The following PARD6B variants were observed in gnomAD, a reference collection of about 807,000 sequenced individuals.
PARD6B encodes partitioning defective 6 homolog beta.
Under a neutral mutation model 10.5 loss-of-function variants are expected in PARD6B, and 4 were observed. The ratio of observed to expected loss-of-function variants is 0.38; its 90% CI spans 0.19 to 0.87. The LOEUF is 0.87. PARD6B is among the 40% of genes least tolerant of loss of function. The pLI, the probability that PARD6B is intolerant of heterozygous loss-of-function variation, is 0.41. For missense variants in PARD6B, 396 were observed against 470.6 expected (o/e 0.84, Z 1.47); for synonymous variants, 169 against 170.4 (o/e 0.99, Z 0.07).
rs749486912 is a variant in PARD6B, at chr20:50,750,422, G to A, written c.1053G>A (p.Thr351=). The change falls in exon 3 of 3, where the codon ACG becomes ACA. Residue 351 remains threonine (T), a synonymous_variant. Coordinates refer to ENST00000371610, the MANE Select transcript of PARD6B (RefSeq NM_032521.3). ...SLAAIASSSN[T]EFETHAPDQK... ...CAGCCATAGCAAGCAGCTCAAACAC[G>A]GAATTTGAAACACATGCTCCAGATC... 6.2e-6 allele frequency: 10 copies of A among 1,614,060 alleles called. No individual in the cohort carries two copies. Among genetic ancestry groups the A allele is most frequent in the Non-Finnish European group, 8.5e-6 (10 of 1,180,008 alleles).
chr20:50,733,012 G>A (rs1042324971), intron 1 of PARD6B, among the ~76,000 whole-genome samples: 1 of 152,170 alleles, frequency 6.6e-6, no homozygotes, highest in African/African-American at 2.4e-5. Context: ...AAGCTTCCTA[G>A]AGCCTCTAGG....
chr20:50,744,357 G>A (rs1439439941), intron 2 of PARD6B, among the ~76,000 whole-genome samples: 1 of 151,642 alleles, frequency 6.6e-6, no homozygotes, highest in Non-Finnish European at 1.5e-5. Flanking sequence ...CTGGTAATCC[G>A]CCCACCTCGG....
chr20:50,746,781 G>C (rs2087569756), intron 2 of PARD6B, among the ~76,000 whole-genome samples: 1 of 152,196 alleles, frequency 6.6e-6, no homozygotes, highest in African/African-American at 2.4e-5. Context: ...GAGTAGGTAT[G>C]TAGGCAACGT....
At chr20:50,735,541 T>C (rs2087495257) in intron 1 of PARD6B, among the ~76,000 whole-genome samples, 1 of 152,234 alleles carries the variant, frequency 6.6e-6, no homozygotes, top group Non-Finnish European at 1.5e-5. Flanking sequence ...ATGAAACAGT[T>C]GTAAATGGTT....
At position 50,753,191 on chromosome 20, in the gene PARD6B, A is replaced by G. The variant is rs1387555602; in HGVS notation, c.*2703A>G. ...AGATTTATCTTGTACGCATTCATGG[A>G]AATGGAAATCAAAGCTGCTATTGCT... On this transcript the variant is annotated 3_prime_UTR_variant, in exon 3 of 3. Transcript: ENST00000371610. 7 of 985,250 alleles carry G rather than the reference A, an allele frequency of 7.1e-6. No individual in the cohort carries two copies. The highest frequency in any genetic ancestry group is 8.4e-6 in the Non-Finnish European group (7 of 829,536). 61.0% of individuals were successfully genotyped at this position (985,250 alleles called of 1,614,324 possible).
At position 50,751,088 on chromosome 20, in the gene PARD6B, G is replaced by A; in HGVS notation, c.*600G>A. ...GGGCTCAAGCAGTCCTCCCACCTCA[G>A]CCTCCTGAGTAGCTGGGACCATAGG... On this transcript the variant is annotated 3_prime_UTR_variant, in exon 3 of 3. Coordinates refer to ENST00000371610, the MANE Select transcript of PARD6B (RefSeq NM_032521.3). 2.1e-6 allele frequency: 1 copy of A among 478,370 alleles called. No individual in the cohort carries two copies. Among genetic ancestry groups the A allele is most frequent in the Non-Finnish European group, 2.7e-6 (1 of 372,634 alleles). 29.6% of individuals were successfully genotyped at this position (478,370 alleles called of 1,614,324 possible).
intron 1 of PARD6B, among the ~76,000 whole-genome samples, chr20:50,734,349 C>T (rs181381218): frequency 4.0e-5 from 6 of 151,706 alleles, no homozygotes; most frequent in South Asian, 4.2e-4. Context: ...GGTAGTGTGC[C>T]GGTCCTTTTT....
intron 1 of PARD6B, among the ~76,000 whole-genome samples, chr20:50,736,690 T>G: frequency 6.6e-6 from 1 of 151,094 alleles, no homozygotes; most frequent in Non-Finnish European, 1.5e-5. Context: ...GTCCTTAGTG[T>G]TTTGGTTTTT....
rs1383325213 is a variant in PARD6B, at chr20:50,751,341, CTT to C, written c.*856_*857del. ...CTCAAGTACATTTCCAGTTTCTTTT[CTT>C]TTCTTTCTTTTTTTTTTTTTTTTTT... On this transcript the variant is annotated 3_prime_UTR_variant, in exon 3 of 3. Coordinates refer to ENST00000371610, the MANE Select transcript of PARD6B (RefSeq NM_032521.3). 4.1e-6 allele frequency: 3 copies of C among 731,004 alleles called. No homozygotes were observed. The highest frequency in any genetic ancestry group is 9.2e-5 in the Admixed American group (1 of 10,830). 45.3% of individuals were successfully genotyped at this position (731,004 alleles called of 1,614,324 possible).
At chr20:50,739,472 G>C (rs1177182944) in intron 2 of PARD6B, among the ~76,000 whole-genome samples, 1 of 152,012 alleles carries the variant, frequency 6.6e-6, no homozygotes, top group Admixed American at 6.6e-5. Context: ...TAGCTTGAGA[G>C]AATGGGTGGG....
Position 50,750,154 on chromosome 20 carries a change from CT to C in PARD6B, c.786del (p.Gly263AlafsTer58). On this transcript the variant is annotated frameshift_variant, in exon 3 of 3. Transcript: ENST00000371610. LOFTEE classifies it low-confidence loss of function (END_TRUNC). ...RNNVVRNSRT[S>X]GSSGQSTDNS... ...AATGTTGTGAGGAACAGTCGGACTT[CT>C]GGCAGTTCCGGTCAGTCTACTGATA... 6.2e-7 allele frequency: 1 copy of C among 1,614,250 alleles called. No homozygotes were observed. The highest frequency in any genetic ancestry group is 1.1e-5 in the South Asian group (1 of 91,090).
rs544614821 is a variant in PARD6B, at chr20:50,749,321, C to T, written c.290-338C>T. On this transcript the variant is annotated intron_variant, in intron 2 of 2. Transcript: ENST00000371610. ...TCACGCCACTGCACTCCAGCCTGGT[C>T]GACAGAGCGAGACTCCATCTCAAAA... is the stretch of plus-strand genomic sequence containing the variant. Among the ~76,000 whole-genome samples the T allele has an allele frequency of 2.1e-5, 3 of 143,454 alleles. No homozygotes were observed. The South Asian group carries it at 6.9e-4, about 33-fold the overall frequency. 94.1% of individuals were successfully genotyped at this position (143,454 alleles called of 152,430 possible).
chr20:50,737,365 C>T (rs904326139), intron 1 of PARD6B, among the ~76,000 whole-genome samples: 2 of 152,296 alleles, frequency 1.3e-5, no homozygotes, highest in Middle Eastern at 3.4e-3. Flanking sequence ...CTTAACGCCA[C>T]GTAGCTCACA....
At chr20:50,739,461 G>C (rs1206877910) in intron 2 of PARD6B, among the ~76,000 whole-genome samples, 1 of 152,032 alleles carries the variant, frequency 6.6e-6, no homozygotes, top group African/African-American at 2.4e-5. Context: ...TGAAAAGAAA[G>C]TAGCTTGAGA....
intron 1 of PARD6B, among the ~76,000 whole-genome samples, chr20:50,733,660 C>T (rs1016919015): frequency 6.6e-6 from 1 of 152,134 alleles, no homozygotes; most frequent in Non-Finnish European, 1.5e-5. Flanking sequence ...AGTAGAGGTT[C>T]CATGCCCAGT....
In PARD6B at chr20:50,752,561, C is replaced by T. The variant is rs1353585771; in HGVS notation, c.*2073C>T. ...CAGTGTGCACAAGCACAATGGTATG[C>T]TTGTATATAGAAACTAAAAATACTA... On this transcript the variant is annotated 3_prime_UTR_variant, in exon 3 of 3. Transcript: ENST00000371610. 3.0e-6 allele frequency: 3 copies of T among 984,330 alleles called. No individual in the cohort carries two copies. The East Asian group carries it at 3.4e-4, about 112-fold the overall frequency. The allele number at this position is 984,330 out of a possible 1,614,324, so 61.0% of individuals were successfully genotyped here.
At chr20:50,745,879 T>A (rs1405006269) in intron 2 of PARD6B, among the ~76,000 whole-genome samples, 1 of 152,218 alleles carries the variant, frequency 6.6e-6, no homozygotes, top group East Asian at 1.9e-4. Context: ...CCTAGACATT[T>A]ACTGTCTGAC....
intron 2 of PARD6B, among the ~76,000 whole-genome samples, chr20:50,738,945 T>A (rs551544009): frequency 6.6e-6 from 1 of 151,406 alleles, no homozygotes; most frequent in South Asian, 2.1e-4. Flanking sequence ...GTATTTTGAG[T>A]CCTAAAACTT....
chr20:50,738,141 A>T, intron 2 of PARD6B, 62 bp downstream of exon 2: 1 of 1,258,200 alleles, frequency 7.9e-7, no homozygotes, highest in South Asian at 1.6e-5. Context: ...TCCCCACTGA[A>T]AGGATACCCA....
Sources: gnomAD v4.1 joint callset for allele counts (sites outside exome capture counted in the v4.1 genomes callset) on GRCh38, gnomAD v4.1.1 for gene constraint, MANE v1.5 for transcripts, NCBI Gene and HGNC (gene_info 2026-07-23, HGNC 2026-07-21) for gene names.